The following SHISA9 variants were observed in gnomAD, a reference collection of about 807,000 sequenced individuals.
SHISA9 encodes shisa family member 9.
A neutral mutation model predicts 38.0 loss-of-function variants in SHISA9; 13 were observed. That is an observed-to-expected ratio of 0.34 (90% CI 0.22 to 0.54). The LOEUF (loss-of-function observed/expected upper bound fraction) is 0.54. Ranked by LOEUF, SHISA9 falls within the 20% of genes least tolerant of loss-of-function variation. The pLI is 0.91. For synonymous variants in SHISA9, 275 were observed against 242.0 expected (o/e 1.14, Z -1.27); for missense variants, 538 against 575.8 (o/e 0.93, Z 0.67).
At chr16:12,969,801 A>C (rs1458300027) in intron 2 of SHISA9, among the ~76,000 whole-genome samples, 1 of 152,204 alleles carries the variant, frequency 6.6e-6, no homozygotes, top group Non-Finnish European at 1.5e-5. Context: ...CACTGGAAAC[A>C]GAAAACAAAT....
At chr16:13,289,397 G>C in the SHISA9 span, among the ~76,000 whole-genome samples, 3 of 151,614 alleles carry the variant, frequency 2.0e-5, no homozygotes, top group South Asian at 4.2e-4. Flanking sequence ...GGGTTGGGGG[G>C]TGCTGATGGG....
At chr16:13,068,487 C>T (rs2073460424) in intron 2 of SHISA9, among the ~76,000 whole-genome samples, 1 of 152,242 alleles carries the variant, frequency 6.6e-6, no homozygotes, top group Non-Finnish European at 1.5e-5. Flanking sequence ...TCTTACAGCA[C>T]TGAACTCTGC....
chr16:13,424,207 A>C, the SHISA9 span, among the ~76,000 whole-genome samples: 1 of 87,566 alleles, frequency 1.1e-5, no homozygotes, highest in Non-Finnish European at 2.4e-5. Context: ...CAGGAAATCC[A>C]GTCCTCTCCT....
At chr16:13,331,412 A>G in the SHISA9 span, 1 of 152,160 alleles carries the variant, frequency 6.6e-6, no homozygotes, top group Admixed American at 6.5e-5. Flanking sequence ...GTAAAAAAAA[A>G]AAGCTATTTA....
Position 13,069,769 on chromosome 16 carries a change from G to C in SHISA9, c.692-133625G>C, listed in dbSNP as rs111748698. 4.7e-3 allele frequency among the ~76,000 whole-genome samples: 712 copies of C among 152,216 alleles called. 8 individuals are homozygous for C. The highest frequency in any genetic ancestry group is 0.016 in the African/African-American group (683 of 41,534). ...GATGAGGATGTGGGGCCTTTGGGAA[G>C]TGATTAGGTTATGAGGGCTTTGCTC... On this transcript the variant is annotated intron_variant, in intron 2 of 4. Transcript: ENST00000558583.
chr16:13,354,150 G>T, the SHISA9 span, among the ~76,000 whole-genome samples: 4 of 149,540 alleles, frequency 2.7e-5, no homozygotes, highest in Non-Finnish European at 4.4e-5. Flanking sequence ...GGGGCCTGAA[G>T]AATCCCTGAG....
chr16:13,135,264 A>G (rs939539669), intron 2 of SHISA9, among the ~76,000 whole-genome samples: 3 of 152,232 alleles, frequency 2.0e-5, no homozygotes, highest in Admixed American at 6.5e-5. Context: ...GTAAAGCTCT[A>G]TTCAAATACC....
chr16:13,399,255 T>TA, the SHISA9 span, among the ~76,000 whole-genome samples: 102 of 144,022 alleles, frequency 7.1e-4, 2 homozygotes, highest in Admixed American at 1.8e-3. Flanking sequence ...CCATCTCAAT[T>TA]AAAAAAAAAA....
chr16:13,275,386 T>C, the SHISA9 span, among the ~76,000 whole-genome samples: 1 of 152,298 alleles, frequency 6.6e-6, no homozygotes, highest in East Asian at 1.9e-4. Flanking sequence ...AATATGGTTC[T>C]GATTTCTTTC....
intron 2 of SHISA9, among the ~76,000 whole-genome samples, chr16:13,079,791 A>T (rs1295966211): frequency 6.6e-6 from 1 of 152,166 alleles, no homozygotes; most frequent in East Asian, 1.9e-4. Context: ...TACATGGAGA[A>T]TTTTTGCCAT....
intron 2 of SHISA9, among the ~76,000 whole-genome samples, chr16:13,021,031 G>C (rs959282800): frequency 2.0e-5 from 3 of 152,160 alleles, no homozygotes; most frequent in Non-Finnish European, 2.9e-5. Flanking sequence ...TGGCTCTCTC[G>C]AATCTAGAAG....
At chr16:12,906,104 G>C (rs1357446243) in intron 1 of SHISA9, among the ~76,000 whole-genome samples, 5 of 152,178 alleles carry the variant, frequency 3.3e-5, no homozygotes, top group Admixed American at 3.3e-4. Flanking sequence ...CTTGGCATCA[G>C]AGAGGCTGCT....
intron 2 of SHISA9, among the ~76,000 whole-genome samples, chr16:12,930,438 C>T (rs747845568): frequency 1.3e-5 from 2 of 152,182 alleles, no homozygotes; most frequent in Non-Finnish European, 2.9e-5. Flanking sequence ...TGAAATGTCA[C>T]ACAAAGGCAG....
intron 2 of SHISA9, among the ~76,000 whole-genome samples, chr16:13,106,507 C>T (rs1013789212): frequency 6.6e-6 from 1 of 152,156 alleles, no homozygotes; most frequent in Admixed American, 6.5e-5. Context: ...GTGTTTGATG[C>T]ATACCAGATG....
chr16:12,903,165 C>T (rs1169498089), intron 1 of SHISA9, among the ~76,000 whole-genome samples: 2 of 152,156 alleles, frequency 1.3e-5, no homozygotes, highest in Non-Finnish European at 2.9e-5. Context: ...GAGGGGAGGG[C>T]GAGAACAAAA....
At chr16:13,395,695 T>C in the SHISA9 span, among the ~76,000 whole-genome samples, 1 of 152,262 alleles carries the variant, frequency 6.6e-6, no homozygotes, top group South Asian at 2.1e-4. Flanking sequence ...GTCTTGCTTA[T>C]TGTTGTGCCT....
At chr16:13,151,911 G>A (rs115792395) in intron 2 of SHISA9, among the ~76,000 whole-genome samples, 3,234 of 152,126 alleles carry the variant, frequency 0.021, 110 homozygotes, top group African/African-American at 0.072. Context: ...TTTTATCTCC[G>A]CATCACCAGG....
At chr16:13,432,151 C>T in the SHISA9 span, among the ~76,000 whole-genome samples, 1 of 152,152 alleles carries the variant, frequency 6.6e-6, no homozygotes, top group East Asian at 1.9e-4. Flanking sequence ...AATTTCTAGG[C>T]TATAATCTCT....
the SHISA9 span, among the ~76,000 whole-genome samples, chr16:13,506,985 G>A: frequency 1.2e-3 from 181 of 152,162 alleles, 1 homozygote; most frequent in Non-Finnish European, 1.9e-3. Context: ...CGAAGCTGCA[G>A]TGAGCTATGA....
Sources: gnomAD v4.1 joint callset for allele counts (sites outside exome capture counted in the v4.1 genomes callset) on GRCh38, gnomAD v4.1.1 for gene constraint, MANE v1.5 for transcripts, NCBI Gene and HGNC (gene_info 2026-07-23, HGNC 2026-07-21) for gene names.